The following BBS10 variants were observed in gnomAD, a reference collection of about 807,000 sequenced individuals.
BBS10 encodes BBSome complex assembly protein BBS10.
A neutral mutation model predicts 12.7 loss-of-function variants in BBS10; 13 were observed. The observed-to-expected ratio is 1.03, with a 90% CI of 0.67 to 1.63. The LOEUF (loss-of-function observed/expected upper bound fraction) is 1.63. Among genes scored for constraint, BBS10 ranks in the 40% most tolerant of loss-of-function variants. The pLI is 0.00. For missense variants in BBS10, 858 were observed against 858.0 expected, an observed-to-expected ratio of 1.00 and a Z score of 0.00; for synonymous variants, 294 against 304.8, an observed-to-expected ratio of 0.96 and a Z score of 0.37.
chr12:76,346,441 T>C lies in BBS10; in HGVS notation c.1544A>G (p.Asp515Gly). ...PYSTPTLTPT[D>G]TFQTVETLTC... Reference sequence around the variant, plus strand: ...CAGCGTTTCAACTGTTTGGAATGTATCTGTTGGTGTCAGTGTGGGGGTTGA... The same window carrying C: ...CAGCGTTTCAACTGTTTGGAATGTACCTGTTGGTGTCAGTGTGGGGGTTGA... The change falls in exon 2 of 2, where the codon GAT becomes GGT. Residue 515 changes from aspartate to glycine, a missense_variant. Asp to Gly is a moderately conservative substitution (Grantham distance 94). Coordinates refer to ENST00000650064, the MANE Select transcript of BBS10 (RefSeq NM_024685.4). The C allele has an allele frequency of 6.2e-7, 1 of 1,614,206 alleles. No homozygotes were observed. The highest frequency in any genetic ancestry group is 8.5e-7 in the Non-Finnish European group (1 of 1,180,010).
In BBS10 at chr12:76,347,028, A is replaced by G. The variant is rs139645096; in HGVS notation, c.957T>C (p.Val319=). ...LISSVKQPDL[V]SYYAGVNGIS... The stretch of plus-strand genomic sequence containing the variant: ...TGCCATTCACCCCTGCATAATAACT[A>G]ACTAAATCTGGTTGTTTCACACTAG... The change falls in exon 2 of 2, where the codon GTT becomes GTC. Residue 319 remains valine (V), a synonymous_variant. Coordinates refer to ENST00000650064, the MANE Select transcript of BBS10 (RefSeq NM_024685.4). 101 of 1,612,844 alleles carry G rather than the reference A, an allele frequency of 6.3e-5. No homozygotes were observed. The African/African-American group carries it at 1.0e-3, about 16-fold the overall frequency.
rs201194028 is a variant in BBS10, at chr12:76,347,612, G to A, written c.373C>T (p.Arg125Trp). ...THGRHWKNCS[R>W]WKFISQALLT... ...AGAGCCTGGGAAATAAATTTCCACC[G>A]AGAACAATTTTTCCAATGCCTTCCA... The change falls in exon 2 of 2, where the codon CGG becomes TGG. Residue 125 changes from arginine to tryptophan, a missense_variant. Coordinates refer to ENST00000650064, the MANE Select transcript of BBS10 (RefSeq NM_024685.4). 11 of 1,613,636 alleles carry A rather than the reference G, an allele frequency of 6.8e-6. No individual in the cohort carries two copies. The highest frequency in any genetic ancestry group is 1.6e-4 in the Middle Eastern group (1 of 6,062).
At chr12:76,348,062 G>T in intron 1 of BBS10, 100 bp downstream of exon 1, 3 of 1,367,580 alleles carry the variant, frequency 2.2e-6, no homozygotes, top group Non-Finnish European at 3.0e-6. Context: ...TTCACCCGAG[G>T]TCAGTCTTTC....
rs762917447 is a variant in BBS10, at chr12:76,346,470, C to T, written c.1515G>A (p.Pro505=). The change falls in exon 2 of 2, where the codon CCG becomes CCA. Residue 505 remains proline (P), a synonymous_variant. Transcript: ENST00000650064. ...TTGGTGTCAGTGTGGGGGTTGAATACGGAATATATGTTTCTAATTCTACAT... is the reference window on the plus strand; with the variant it reads ...TTGGTGTCAGTGTGGGGGTTGAATATGGAATATATGTTTCTAATTCTACAT... ...IPDVELETYI[P]YSTPTLTPTD... is the part of the protein sequence containing the mutation. 25 of 1,613,918 alleles carry T rather than the reference C, an allele frequency of 1.5e-5. No homozygotes were observed. Among genetic ancestry groups the T allele is most frequent in the African/African-American group, 8.0e-5 (6 of 74,916 alleles).
In BBS10 at chr12:76,346,845, T is replaced by C. The variant is rs760673745; in HGVS notation, c.1140A>G (p.Arg380=). Reference sequence around the variant, plus strand: ...TGCTTATCAAGCCTAGATGAACATATCTTTTGGATCTAAGGATAAGAGGTT... The same window carrying C: ...TGCTTATCAAGCCTAGATGAACATACCTTTTGGATCTAAGGATAAGAGGTT... ...FCKPLILRSK[R]YVHLGLISTC... Residue 380 remains arginine (R), a synonymous_variant, in exon 2 of 2, where the codon AGA becomes AGG. Transcript: ENST00000650064. 9.3e-6 allele frequency: 15 copies of C among 1,614,028 alleles called. No homozygotes were observed. The highest frequency in any genetic ancestry group is 1.1e-5 in the Non-Finnish European group (13 of 1,179,974).
rs936655028 is a variant in BBS10, at chr12:76,347,605, T to C, written c.380A>G (p.Lys127Arg). 2.5e-6 allele frequency: 4 copies of C among 1,613,606 alleles called. No individual in the cohort carries two copies. The highest frequency in any genetic ancestry group is 1.6e-4 in the Middle Eastern group (1 of 6,084). Reference protein sequence around the residue: ...GRHWKNCSRWKFISQALLTFQ... With the variant: ...GRHWKNCSRWRFISQALLTFQ... ...CGTTAGGAGAGCCTGGGAAATAAAT[T>C]TCCACCGAGAACAATTTTTCCAATG... Residue 127 changes from lysine (K) to arginine (R), a missense_variant, in exon 2 of 2, where the codon AAA becomes AGA. Lys to Arg is a conservative substitution (Grantham distance 26, BLOSUM62 2). Transcript: ENST00000650064.
chr12:76,346,720 CG>C lies in BBS10; in HGVS notation c.1264del (p.Arg422GlyfsTer9). 1 of 1,614,026 alleles carries C rather than the reference CG, an allele frequency of 6.2e-7. No individual in the cohort carries two copies. Among genetic ancestry groups the C allele is most frequent in the Non-Finnish European group, 8.5e-7 (1 of 1,179,996 alleles). ...TAGATCAAGGTCTTTAAATAATTGCCGAAGCATTTTAAGTGCTCCATGTAAA... is the reference window on the plus strand; with the variant it reads ...TAGATCAAGGTCTTTAAATAATTGCCAAGCATTTTAAGTGCTCCATGTAAA... ...DALHGALKML[R>X]QLFKDLDLNY... On this transcript the variant is annotated frameshift_variant, in exon 2 of 2. Coordinates refer to ENST00000650064, the MANE Select transcript of BBS10 (RefSeq NM_024685.4). LOFTEE classifies it low-confidence loss of function (END_TRUNC).
Position 76,347,673 on chromosome 12 carries a change from T to C in BBS10, c.312A>G (p.Glu104=). Residue 104 remains glutamate (E), a synonymous_variant, in exon 2 of 2, where the codon GAA becomes GAG. Coordinates refer to ENST00000650064, the MANE Select transcript of BBS10 (RefSeq NM_024685.4). ...LRGLHAITDR[E]KDPLMCENIQ... ...TGTTTTCACACATCAAAGGATCCTT[T>C]TCTCTGTCTGTGATTGCATGAAGTC... 1 of 1,613,578 alleles carries C rather than the reference T, an allele frequency of 6.2e-7. No individual in the cohort carries two copies. Among genetic ancestry groups the C allele is most frequent in the Non-Finnish European group, 8.5e-7 (1 of 1,179,990 alleles).
intron 1 of BBS10, 39 bp from the exon 2 acceptor site, chr12:76,347,826 G>C (rs759498943): frequency 5.0e-6 from 8 of 1,586,970 alleles, no homozygotes; most frequent in Non-Finnish European, 6.8e-6. Flanking sequence ...TTTTCAGAAG[G>C]CTGGCTTCCC....
chr12:76,347,350 T>A lies in BBS10; in HGVS notation c.635A>T (p.Glu212Val). The A allele has an allele frequency of 6.2e-7, 1 of 1,613,960 alleles. No individual in the cohort carries two copies. The highest frequency in any genetic ancestry group is 2.2e-5 in the East Asian group (1 of 44,872). Residue 212 changes from glutamate to valine, a missense_variant, in exon 2 of 2, where the codon GAG (glutamate) becomes GTG (valine). Glu to Val is a moderately radical substitution (Grantham distance 121). Coordinates refer to ENST00000650064, the MANE Select transcript of BBS10 (RefSeq NM_024685.4). ...CTCTACAAAATGGTCATCCACTAAC[T>A]CAAATACACCAATCCCACTTTTACA... ...MTCKSGIGVF[E>V]LVDDHFVELN...
chr12:76,346,395 T>G lies in BBS10; in HGVS notation c.1590A>C (p.Arg530Ser), dbSNP rs146812823. ...GTTCATAATAATCAGTTAGCCTGTT[T>G]CTTTCCAAAGACAAACATGTCAGCG... is the stretch of plus-strand genomic sequence containing the variant. ...VETLTCLSLE[R>S]NRLTDYYEPL... is the part of the protein sequence containing the mutation. Residue 530 changes from arginine to serine, a missense_variant, in exon 2 of 2, where the codon AGA becomes AGC. By Grantham distance (110) the Arg-to-Ser change is moderately radical. Transcript: ENST00000650064. 6.9e-5 allele frequency: 111 copies of G among 1,614,048 alleles called. No individual in the cohort carries two copies. The highest frequency in any genetic ancestry group is 1.6e-4 in the Middle Eastern group (1 of 6,084).
At chr12:76,348,080 G>A (rs1951776707) in intron 1 of BBS10, 82 bp downstream of exon 1, 3 of 1,445,088 alleles carry the variant, frequency 2.1e-6, no homozygotes, top group Non-Finnish European at 2.8e-6. Flanking sequence ...TTCTAAGTAC[G>A]CATCGCCTCA....
In BBS10 at chr12:76,346,516, T is replaced by G. The variant is rs1203318844; in HGVS notation, c.1469A>C (p.His490Pro). The part of the protein sequence containing the change: ...LEKTQTYLKV[H>P]SNLVIPDVEL... ...TACATCTGGAATTACCAAATTAGAA[T>G]GTACTTTTAAATATGTTTGAGTTTT... The change falls in exon 2 of 2, where the codon CAT (histidine) becomes CCT (proline). Residue 490 changes from histidine to proline, a missense_variant. By Grantham distance (77) the His-to-Pro change is moderately conservative. Coordinates refer to ENST00000650064, the MANE Select transcript of BBS10 (RefSeq NM_024685.4). 6.2e-7 allele frequency: 1 copy of G among 1,613,990 alleles called. No individual in the cohort carries two copies. Among genetic ancestry groups the G allele is most frequent in the Non-Finnish European group, 8.5e-7 (1 of 1,179,966 alleles).
chr12:76,347,189 G>C lies in BBS10; in HGVS notation c.796C>G (p.Pro266Ala), dbSNP rs749484934. 4.3e-6 allele frequency: 7 copies of C among 1,610,910 alleles called. No homozygotes were observed. Among genetic ancestry groups the C allele is most frequent in the Non-Finnish European group, 5.9e-6 (7 of 1,179,960 alleles). The change falls in exon 2 of 2, where the codon CCT (proline) becomes GCT (alanine). Residue 266 changes from proline to alanine, a missense_variant. Pro to Ala is a conservative substitution (Grantham distance 27, BLOSUM62 -1). Transcript: ENST00000650064. ...TCTGATCCAGAAGTGGAAAAAAGAG[G>C]CTGAATGGTTTCTGTTACTATCACC... ...RMVIVTETIQPLFSTSGSEFI... is the reference protein window; with the variant it reads ...RMVIVTETIQALFSTSGSEFI...
rs757871505 is a variant in BBS10 at position 76,345,340 on chromosome 12, C to A, written c.*473G>T. On this transcript the variant is annotated 3_prime_UTR_variant, in exon 2 of 2. Transcript: ENST00000650064. ...TGCTTTTTGAAAAAAATAATTTGAG[C>A]CTTTTACTCAGCTTTACAAAGTATG... 1 of 152,166 alleles carries A rather than the reference C, an allele frequency of 6.6e-6. No individual in the cohort carries two copies. Among genetic ancestry groups the A allele is most frequent in the Non-Finnish European group, 1.5e-5 (1 of 68,132 alleles). 9.4% of individuals were successfully genotyped at this position (152,166 alleles called of 1,614,324 possible).
intron 1 of BBS10, 123 bp from the exon 2 acceptor site, chr12:76,347,910 T>C (rs896638895): frequency 6.7e-6 from 8 of 1,195,556 alleles, no homozygotes; most frequent in East Asian, 2.4e-5. Context: ...TCCTTAGTTT[T>C]TTCCTTTCTT....
intron 1 of BBS10, 113 bp from the exon 2 acceptor site, chr12:76,347,900 T>C (rs1156328006): frequency 2.4e-6 from 3 of 1,237,128 alleles, no homozygotes; most frequent in East Asian, 2.4e-5. Flanking sequence ...CTTGGATACA[T>C]CCTTAGTTTT....
In BBS10 at chr12:76,346,882, A is replaced by G. The variant is rs754911313; in HGVS notation, c.1103T>C (p.Val368Ala). 1 of 1,613,634 alleles carries G rather than the reference A, an allele frequency of 6.2e-7. No homozygotes were observed. The highest frequency in any genetic ancestry group is 1.1e-5 in the South Asian group (1 of 91,084). The change falls in exon 2 of 2, where the codon GTG (valine) becomes GCG (alanine). Residue 368 changes from valine to alanine, a missense_variant. Val to Ala is a moderately conservative substitution (Grantham distance 64). Transcript: ENST00000650064. ...SQCEIPNTAL[V>A]KFCKPLILRS... Reference sequence around the variant, plus strand: ...AAGGATAAGAGGTTTACAAAATTTCACCAAAGCAGTGTTAGGTATTTCACA... The same window carrying G: ...AAGGATAAGAGGTTTACAAAATTTCGCCAAAGCAGTGTTAGGTATTTCACA...
In BBS10 at chr12:76,347,273, C is replaced by T. The variant is rs1475668642; in HGVS notation, c.712G>A (p.Gly238Ser). Residue 238 changes from glycine to serine, a missense_variant, in exon 2 of 2, where the codon GGT (glycine) becomes AGT (serine). By Grantham distance (56) the Gly-to-Ser change is moderately conservative (BLOSUM62 0). Coordinates refer to ENST00000650064, the MANE Select transcript of BBS10 (RefSeq NM_024685.4). The stretch of plus-strand genomic sequence containing the variant: ...GAAAAATCTTTCTGAAGCACAAGAC[C>T]AGCTATGATCCTGGAATCTGAAACA... ...LPVSDSRIIA[G>S]LVLQKDFSVY... is the part of the protein sequence containing the mutation. The T allele has an allele frequency of 1.2e-6, 2 of 1,613,466 alleles. No homozygotes were observed. The highest frequency in any genetic ancestry group is 1.3e-5 in the African/African-American group (1 of 74,892).
Sources: allele counts gnomAD v4.1 joint callset, GRCh38; gene constraint gnomAD v4.1.1; transcripts MANE v1.5; gene names NCBI Gene and HGNC (gene_info 2026-07-23, HGNC 2026-07-21).